The following DCP1B variants were observed in gnomAD, a reference collection of about 807,000 sequenced individuals.
The protein encoded by DCP1B is decapping mRNA 1B, also known as mRNA-decapping enzyme 1B.
DCP1B carries 47 observed loss-of-function variants against 60.5 expected under a neutral mutation model. The ratio of observed to expected loss-of-function variants is 0.78; its 90% CI spans 0.61 to 0.99. The LOEUF is 0.99. DCP1B is among the 50% of genes least tolerant of loss of function. The pLI is 0.00. For synonymous variants in DCP1B, 267 were observed against 280.3 expected, an observed-to-expected ratio of 0.95 and a Z score of 0.47; for missense variants, 725 against 756.8, an observed-to-expected ratio of 0.96 and a Z score of 0.49.
In DCP1B at chr12:1,992,194, A is replaced by C. The variant is rs1017284943; in HGVS notation, c.319+1070T>G. ...ATTGCAAAACTTTTCATTTCACAGG[A>C]CCTGCCATTAGTAAGTCATATTATA... On this transcript the variant is annotated intron_variant, in intron 3 of 8. Coordinates refer to ENST00000280665, the MANE Select transcript of DCP1B (RefSeq NM_152640.5). 64 of 161,762 alleles carry C rather than the reference A, an allele frequency of 4.0e-4. 4 individuals are homozygous for C. The highest frequency in any genetic ancestry group is 1.5e-4 in the South Asian group (1 of 6,516). The allele number at this position is 161,762 out of a possible 1,614,324, so 10.0% of individuals were successfully genotyped here. A position where few individuals can be genotyped will look rare whatever the true frequency, so the allele number is the denominator to read the frequency against.
chr12:1,943,086 T>C (rs1047783907), downstream of DCP1B, among the ~76,000 whole-genome samples: 4 of 151,938 alleles, frequency 2.6e-5, no homozygotes, highest in Non-Finnish European at 5.9e-5. Flanking sequence ...AAGAGTCAAA[T>C]AGACACAATA....
intron 5 of DCP1B, among the ~76,000 whole-genome samples, chr12:1,958,747 C>A (rs1373782031): frequency 7.2e-6 from 1 of 138,268 alleles, no homozygotes; most frequent in African/African-American, 2.7e-5. Context: ...TTTCTATAAA[C>A]CTCCCGGAAG....
intron 5 of DCP1B, among the ~76,000 whole-genome samples, chr12:1,963,809 A>G (rs1246743660): frequency 1.3e-5 from 2 of 152,224 alleles, no homozygotes; most frequent in Non-Finnish European, 2.9e-5. Context: ...CTACTGAGTT[A>G]GTCACTTTTA....
chr12:1,973,672 T>C (rs2033296587), intron 3 of DCP1B, among the ~76,000 whole-genome samples: 1 of 152,246 alleles, frequency 6.6e-6, no homozygotes, highest in Non-Finnish European at 1.5e-5. Context: ...CATCGTATAC[T>C]AATTTCCTAG....
chr12:2,004,359 C>T lies in DCP1B; in HGVS notation c.73G>A (p.Asp25Asn). The change falls in exon 1 of 9, where the codon GAC (aspartate) becomes AAC (asparagine). Residue 25 changes from aspartate (D) to asparagine (N), a missense_variant. Physicochemically the swap from Asp to Asn is conservative, Grantham distance 23. Coordinates refer to ENST00000280665, the MANE Select transcript of DCP1B (RefSeq NM_152640.5). The part of the protein sequence containing the change: ...DISLAALQRH[D>N]PYINRIVDVA... ...TCCACGATGCGGTTGATATAGGGGT[C>T]GTGGCGCTGCAGGGCCGCTAGGCTG... 1 of 1,613,246 alleles carries T rather than the reference C, an allele frequency of 6.2e-7. No homozygotes were observed. Among genetic ancestry groups the T allele is most frequent in the Non-Finnish European group, 8.5e-7 (1 of 1,179,938 alleles).
chr12:1,945,678 T>C (rs941791963), downstream of DCP1B, among the ~76,000 whole-genome samples: 9 of 152,306 alleles, frequency 5.9e-5, no homozygotes, highest in African/African-American at 2.2e-4. Context: ...ACGGCATATA[T>C]ACACCCAGGG....
chr12:1,968,859 T>C (rs1306117207), intron 3 of DCP1B, among the ~76,000 whole-genome samples: 2 of 152,258 alleles, frequency 1.3e-5, no homozygotes, highest in Non-Finnish European at 2.9e-5. Context: ...AACTGTGACA[T>C]AATATACCTG....
chr12:1,958,832 G>C (rs2031008487), intron 5 of DCP1B, among the ~76,000 whole-genome samples: 1 of 88,998 alleles, frequency 1.1e-5, no homozygotes, highest in Non-Finnish European at 2.2e-5. Flanking sequence ...GGAAACAGGG[G>C]AAAAGCTCCC....
chr12:1,953,762 T>A (rs2030779735), intron 6 of DCP1B, among the ~76,000 whole-genome samples: 1 of 152,246 alleles, frequency 6.6e-6, no homozygotes, highest in African/African-American at 2.4e-5. Context: ...TCTAACTTGA[T>A]CCTTTCAAAT....
chr12:1,972,442 T>G lies in DCP1B; in HGVS notation c.320-4532A>C, dbSNP rs144213278. Reference sequence around the variant, plus strand: ...CGTTACTAGCATATGGTAGTACACATGCACACACAGCTACTAGGCATTTGA... The same window carrying G: ...CGTTACTAGCATATGGTAGTACACAGGCACACACAGCTACTAGGCATTTGA... On this transcript the variant is annotated intron_variant, in intron 3 of 8. Coordinates refer to ENST00000280665, the MANE Select transcript of DCP1B (RefSeq NM_152640.5). 3.2e-4 allele frequency among the ~76,000 whole-genome samples: 49 copies of G among 152,322 alleles called. No individual in the cohort carries two copies. In the East Asian group the frequency reaches 9.1e-3, roughly 28 times the overall value.
intron 5 of DCP1B, among the ~76,000 whole-genome samples, chr12:1,958,752 C>T (rs376733643): frequency 0.024 from 1,509 of 61,744 alleles, 1 homozygote; most frequent in Middle Eastern, 0.095. Flanking sequence ...ATAAACCTCC[C>T]GGAAGGAAAC....
chr12:1,958,032 C>A (rs1045083541), intron 5 of DCP1B, among the ~76,000 whole-genome samples: 1 of 145,166 alleles, frequency 6.9e-6, no homozygotes, highest in Admixed American at 6.9e-5. Context: ...TTTCTATAAA[C>A]CTCCTGGAAG....
At position 1,993,255 on chromosome 12, in the gene DCP1B, A is replaced by C; in HGVS notation, c.319+9T>G. 3.1e-6 allele frequency: 5 copies of C among 1,614,112 alleles called. No homozygotes were observed. The highest frequency in any genetic ancestry group is 3.4e-6 in the Non-Finnish European group (4 of 1,179,978). ...AGTAAAACAACCCACTGTAGTAAGA[A>C]AGACTCACATCTGGCATTTCTGTAG... On this transcript the variant is annotated intron_variant, in intron 3 of 8. Coordinates refer to ENST00000280665, the MANE Select transcript of DCP1B (RefSeq NM_152640.5).
chr12:1,952,635 G>T lies in DCP1B; in HGVS notation c.1305C>A (p.Pro435=), dbSNP rs1395591673. 4.3e-6 allele frequency: 7 copies of T among 1,614,056 alleles called. No individual in the cohort carries two copies. In the African/African-American group the frequency reaches 9.3e-5, roughly 22 times the overall value. Residue 435 remains proline, a synonymous_variant, in exon 7 of 9, where the codon CCC becomes CCA. Coordinates refer to ENST00000280665, the MANE Select transcript of DCP1B (RefSeq NM_152640.5). Reference sequence around the variant, plus strand: ...AGCTGCCAGTCTGACTACCAGAGATGGGGAGTGTTTGTCTTGGGAGTGTGG... The same window carrying T: ...AGCTGCCAGTCTGACTACCAGAGATTGGGAGTGTTTGTCTTGGGAGTGTGG... The part of the protein sequence containing the change: ...EQSTLPRQTL[P]ISGSQTGSSG...
At chr12:1,985,616 T>C (rs1247011259) in intron 3 of DCP1B, among the ~76,000 whole-genome samples, 1 of 152,220 alleles carries the variant, frequency 6.6e-6, no homozygotes, top group African/African-American at 2.4e-5. Context: ...CCTTGACAGT[T>C]TGGCATATTT....
chr12:1,967,710 A>G, intron 4 of DCP1B, 134 bp downstream of exon 4: 2 of 704,244 alleles, frequency 2.8e-6, no homozygotes, highest in Non-Finnish European at 4.7e-6. Flanking sequence ...AATTAATACT[A>G]AATGTCTGCC....
chr12:1,991,516 T>C (rs1593215328), intron 3 of DCP1B: 1 of 241,766 alleles, frequency 4.1e-6, no homozygotes, highest in East Asian at 1.1e-4. Context: ...TTTCAACATG[T>C]TAATATAAAA....
chr12:1,961,615 G>C (rs895569194), intron 5 of DCP1B, among the ~76,000 whole-genome samples: 1 of 152,204 alleles, frequency 6.6e-6, no homozygotes, highest in African/African-American at 2.4e-5. Context: ...TGTACTGGGA[G>C]AAGTTGACTT....
chr12:1,945,400 C>T (rs558784100), downstream of DCP1B, among the ~76,000 whole-genome samples: 1 of 152,228 alleles, frequency 6.6e-6, no homozygotes, highest in East Asian at 1.9e-4. Context: ...ACCAGAAATA[C>T]CATTTGACCC....
Sources: allele counts gnomAD v4.1 joint callset (sites outside exome capture counted in the v4.1 genomes callset), GRCh38; gene constraint gnomAD v4.1.1; transcripts MANE v1.5; gene names NCBI Gene and HGNC (gene_info 2026-07-23, HGNC 2026-07-21).